GIGYF2: variants seen among roughly 807,000 people sequenced by gnomAD.
GIGYF2 encodes the protein GRB10 interacting GYF protein 2, also known as GRB10-interacting GYF protein 2.
Under a neutral mutation model 208.1 loss-of-function variants are expected in GIGYF2, and 25 were observed. That is an observed-to-expected ratio of 0.12 (90% CI 0.09 to 0.17). The LOEUF is 0.17. Among genes scored for constraint, GIGYF2 ranks in the 10% least tolerant of loss-of-function variants. The pLI is 1.00. For synonymous variants in GIGYF2, 534 were observed against 543.8 expected (o/e 0.98, Z 0.25); for missense variants, 1,302 against 1,579.4 (o/e 0.82, Z 2.98).
At chr2:232,855,469 A>G (rs972484052) in intron 28 of GIGYF2, among the ~76,000 whole-genome samples, 2 of 152,226 alleles carry the variant, frequency 1.3e-5, no homozygotes, top group African/African-American at 2.4e-5. Context: ...TTAATCAAAC[A>G]TTGCTAACTG....
chr2:232,812,913 A>C (rs1330202721), intron 18 of GIGYF2, among the ~76,000 whole-genome samples: 3 of 151,992 alleles, frequency 2.0e-5, no homozygotes. Context: ...AGATGGGAGG[A>C]TTACTTGAGC....
chr2:232,803,405 C>T (rs1463800692), intron 14 of GIGYF2, among the ~76,000 whole-genome samples: 3 of 151,920 alleles, frequency 2.0e-5, no homozygotes, highest in African/African-American at 7.3e-5. Context: ...GAACACTTTG[C>T]CTAGCTTTAG....
chr2:232,791,439 A>T lies in GIGYF2; in HGVS notation c.1275A>T (p.Arg425Ser). 3.7e-6 allele frequency: 6 copies of T among 1,613,178 alleles called. No homozygotes were observed. The highest frequency in any genetic ancestry group is 5.1e-6 in the Non-Finnish European group (6 of 1,179,386). Residue 425 changes from arginine to serine, a missense_variant, in exon 12 of 29, where the codon AGA becomes AGT. Transcript: ENST00000373563. ...ENSLPAKVPS[R>S]GDEMVADVQQ... is the part of the protein sequence containing the mutation. ...GTCTACCAGCCAAAGTGCCCAGCAGAGGGGATGGTATGTATTTGTGGGAAT... is the reference window on the plus strand; with the variant it reads ...GTCTACCAGCCAAAGTGCCCAGCAGTGGGGATGGTATGTATTTGTGGGAAT...
Position 232,823,382 on chromosome 2 carries a change from T to C in GIGYF2, c.2529+3397T>C, listed in dbSNP as rs1281358323. 3.4e-5 allele frequency among the ~76,000 whole-genome samples: 5 copies of C among 148,126 alleles called. No homozygotes were observed. The East Asian group carries it at 7.9e-4, about 23-fold the overall frequency. ...TTCTTTCTTTCTTTTTTTTTTTTTT[T>C]ATTGAGATGGTCTCACACTGTCACC... On this transcript the variant is annotated intron_variant, in intron 21 of 28. Transcript: ENST00000373563.
intron 2 of GIGYF2, among the ~76,000 whole-genome samples, chr2:232,726,303 A>T (rs1287804117): frequency 6.9e-6 from 1 of 145,464 alleles, no homozygotes. Flanking sequence ...TGGGAGGCGG[A>T]GGTTGCAGTG....
At chr2:232,786,261 G>A (rs536602314) in intron 8 of GIGYF2, among the ~76,000 whole-genome samples, 34 of 151,460 alleles carry the variant, frequency 2.2e-4, no homozygotes, top group African/African-American at 8.3e-4. Flanking sequence ...TTTTTGAGAC[G>A]GAGTCTTGCT....
intron 4 of GIGYF2, 59 bp downstream of exon 4, chr2:232,747,803 A>G (rs938829766): frequency 2.9e-4 from 429 of 1,457,416 alleles, no homozygotes; most frequent in Non-Finnish European, 3.8e-4. Context: ...ATATACCATG[A>G]TGTACTGATA....
At chr2:232,849,109 G>C (rs959215560) in intron 27 of GIGYF2, among the ~76,000 whole-genome samples, 1 of 152,162 alleles carries the variant, frequency 6.6e-6, no homozygotes, top group Non-Finnish European at 1.5e-5. Context: ...TGGGTAATGG[G>C]CTAACAGGCA....
chr2:232,776,440 C>A, intron 8 of GIGYF2: 1 of 1,601,786 alleles, frequency 6.2e-7, no homozygotes, highest in Non-Finnish European at 8.5e-7. Flanking sequence ...ATTGCATGTA[C>A]TCACCAGTTC....
intron 15 of GIGYF2, among the ~76,000 whole-genome samples, chr2:232,809,476 C>T (rs1332343161): frequency 6.6e-6 from 1 of 152,146 alleles, no homozygotes; most frequent in Non-Finnish European, 1.5e-5. Context: ...AGAATGGCAG[C>T]TGAAATAAGG....
At chr2:232,768,438 C>G in intron 8 of GIGYF2, 1 of 1,614,190 alleles carries the variant, frequency 6.2e-7, no homozygotes, top group Non-Finnish European at 8.5e-7. Flanking sequence ...GCATATTTCT[C>G]CAGTGCCCTC....
intron 2 of GIGYF2, chr2:232,730,012 C>A (rs750020292): frequency 1.4e-5 from 11 of 775,878 alleles, no homozygotes; most frequent in Non-Finnish European, 2.5e-5. Flanking sequence ...TTTTCTTTTT[C>A]GTAAGACTTG....
At chr2:232,748,195 AT>A in intron 4 of GIGYF2, among the ~76,000 whole-genome samples, 1 of 152,356 alleles carries the variant, frequency 6.6e-6, no homozygotes, top group Admixed American at 6.5e-5. Context: ...TGTCACTTAG[AT>A]CAAAACTGAA....
At chr2:232,803,674 C>CTTTTTTTTTTTTTTTTTTTTT (rs768507929) in intron 14 of GIGYF2, among the ~76,000 whole-genome samples, 2 of 49,928 alleles carry the variant, frequency 4.0e-5, no homozygotes, top group Admixed American at 1.9e-4. Flanking sequence ...ATTTCTGCTT[C>CTTTTTTTTTTTTTTTTTTTTT]TTTTTTTTTT....
chr2:232,838,284 G>GTA (rs199843320), intron 22 of GIGYF2, among the ~76,000 whole-genome samples: 5,866 of 150,702 alleles, frequency 0.039, 153 homozygotes, highest in East Asian at 0.064. Context: ...GTGTGTGCAT[G>GTA]TGTATATATA....
intron 3 of GIGYF2, chr2:232,735,623 A>G: frequency 1.5e-6 from 1 of 687,216 alleles, no homozygotes; most frequent in African/African-American, 1.9e-5. Context: ...TGATTTGAGA[A>G]ATAGTTTTCA....
rs745522498 is a variant in GIGYF2, at chr2:232,760,555, G to A, written c.455G>A (p.Gly152Asp). Residue 152 changes from glycine to aspartate, a missense_variant, in exon 7 of 29, where the codon GGC becomes GAC. This residue lies in a region of GIGYF2 where 189 missense variants were observed against 257.7 expected (regional missense o/e 0.73). Transcript: ENST00000373563. ...GAGGGTGTTTTTGGTCGAGGAGGTG[G>A]CAGAGAAATGCATAGATCGCAGAGC... ...EVEGVFGRGGGREMHRSQSWE... is the reference protein window; with the variant it reads ...EVEGVFGRGGDREMHRSQSWE... The A allele has an allele frequency of 9.9e-6, 16 of 1,612,634 alleles. No homozygotes were observed. Among genetic ancestry groups the A allele is most frequent in the Non-Finnish European group, 1.3e-5 (15 of 1,178,992 alleles).
At position 232,783,072 on chromosome 2, in the gene GIGYF2, T is replaced by C. The variant is rs528658011; in HGVS notation, c.533-4078T>C. 3.3e-5 allele frequency among the ~76,000 whole-genome samples: 5 copies of C among 152,334 alleles called. No homozygotes were observed. In the South Asian group the frequency reaches 6.2e-4, roughly 19 times the overall value. ...AGTTCTTGAGGTCTTTTCACCCTTA[T>C]GAAAATGAGCACGGCCTCTGGAGGC... On this transcript the variant is annotated intron_variant, in intron 8 of 28. Transcript: ENST00000373563.
chr2:232,745,979 C>T (rs945229980), intron 3 of GIGYF2, among the ~76,000 whole-genome samples: 2 of 152,084 alleles, frequency 1.3e-5, no homozygotes, highest in Admixed American at 6.6e-5. Context: ...TGTTTTGGGT[C>T]AGGCATGGTG....
Sources: gnomAD v4.1 joint callset for allele counts (sites outside exome capture counted in the v4.1 genomes callset) on GRCh38, gnomAD v4.1.1 for gene constraint, gnomAD v4.1.1 regional missense constraint, MANE v1.5 for transcripts, NCBI Gene and HGNC (gene_info 2026-07-23, HGNC 2026-07-21) for gene names.